The following MIPOL1 variants were observed in gnomAD, a reference collection of about 807,000 sequenced individuals.
The protein encoded by MIPOL1 is mirror-image polydactyly 1.
A neutral mutation model predicts 60.9 loss-of-function variants in MIPOL1; 57 were observed. The observed-to-expected ratio is 0.94, with a 90% CI of 0.76 to 1.17. The LOEUF is 1.17. Among genes scored for constraint, MIPOL1 ranks in the 50% most tolerant of loss-of-function variants. The pLI is 0.00. For missense variants in MIPOL1, 551 were observed against 511.6 expected, an observed-to-expected ratio of 1.08 and a Z score of -0.74; for synonymous variants, 179 against 168.8, an observed-to-expected ratio of 1.06 and a Z score of -0.47.
intron 9 of MIPOL1, among the ~76,000 whole-genome samples, chr14:37,331,238 T>C (rs1355638392): frequency 1.3e-5 from 2 of 152,166 alleles, no homozygotes; most frequent in African/African-American, 2.4e-5. Context: ...TGACTACTCT[T>C]GGAATCTTGT....
At chr14:37,226,937 T>C (rs1969847935) in intron 1 of MIPOL1, among the ~76,000 whole-genome samples, 1 of 152,212 alleles carries the variant, frequency 6.6e-6, no homozygotes, top group South Asian at 2.1e-4. Flanking sequence ...AAGAATTCAG[T>C]GTCCAGTTAA....
intron 11 of MIPOL1, among the ~76,000 whole-genome samples, chr14:37,449,238 T>C (rs1185303486): frequency 6.6e-6 from 1 of 152,090 alleles, no homozygotes; most frequent in Non-Finnish European, 1.5e-5. Flanking sequence ...GCAGTTGATA[T>C]TACCATTAAA....
chr14:37,513,929 T>G (rs1442766830), intron 12 of MIPOL1, among the ~76,000 whole-genome samples: 2 of 152,178 alleles, frequency 1.3e-5, no homozygotes, highest in Non-Finnish European at 2.9e-5. Context: ...CTGTTTCAGT[T>G]TAAATACAAG....
chr14:37,327,194 A>G (rs762739174), intron 9 of MIPOL1, among the ~76,000 whole-genome samples: 18 of 152,240 alleles, frequency 1.2e-4, no homozygotes, highest in Non-Finnish European at 1.8e-4. Context: ...TCTTGAGGTC[A>G]GTAAAACTAT....
rs552983738 is a variant in MIPOL1 at position 37,548,414 on chromosome 14, T to A, written c.*1443T>A. 1.3e-5 allele frequency: 2 copies of A among 152,150 alleles called. No homozygotes were observed. Among genetic ancestry groups the A allele is most frequent in the South Asian group, 2.1e-4 (1 of 4,824 alleles). The allele number at this position is 152,150 out of a possible 1,614,324, so 9.4% of individuals were successfully genotyped here. On this transcript the variant is annotated 3_prime_UTR_variant, in exon 13 of 13. Coordinates refer to ENST00000684589, the MANE Select transcript of MIPOL1 (RefSeq NM_001388067.1). ...TCTGTATCCATTAAAGTAACTTTTT[T>A]AACTATGAGAATTAGAAAATAAGGG...
At chr14:37,401,570 G>A (rs1267918285) in intron 10 of MIPOL1, 1 of 152,062 alleles carries the variant, frequency 6.6e-6, no homozygotes, top group East Asian at 1.9e-4. Flanking sequence ...ATAAATCTTA[G>A]AGGAAAAGAC....
chr14:37,364,134 G>A (rs1216128795), intron 9 of MIPOL1, among the ~76,000 whole-genome samples: 1 of 152,180 alleles, frequency 6.6e-6, no homozygotes. Context: ...ACCCACTGTG[G>A]GCTGCACCCA....
At chr14:37,507,123 G>A (rs1315904074) in intron 12 of MIPOL1, 1 of 152,120 alleles carries the variant, frequency 6.6e-6, no homozygotes, top group Non-Finnish European at 1.5e-5. Context: ...TGGAGAGGAT[G>A]TGGAGAAATA....
chr14:37,456,920 A>G (rs2094482563), intron 11 of MIPOL1, among the ~76,000 whole-genome samples: 1 of 152,154 alleles, frequency 6.6e-6, no homozygotes, highest in Non-Finnish European at 1.5e-5. Context: ...AATTGTTTTT[A>G]CAGTTGACTA....
intron 11 of MIPOL1, among the ~76,000 whole-genome samples, chr14:37,435,897 G>C (rs1243782226): frequency 2.6e-5 from 4 of 152,100 alleles, no homozygotes; most frequent in Admixed American, 1.3e-4. Context: ...ATGAAAAACT[G>C]ATCTATGTTT....
chr14:37,382,361 TAATA>T (rs1226528777), intron 10 of MIPOL1, among the ~76,000 whole-genome samples: 2 of 152,078 alleles, frequency 1.3e-5, no homozygotes, highest in African/African-American at 2.4e-5. Flanking sequence ...AATATATTTT[TAATA>T]AATAAACTTA....
chr14:37,240,653 A>G (rs752013125), intron 1 of MIPOL1: 2 of 152,136 alleles, frequency 1.3e-5, no homozygotes, highest in Non-Finnish European at 2.9e-5. Flanking sequence ...ACGTTTCAGG[A>G]TATTTTAGAA....
chr14:37,491,294 C>T (rs925284029), intron 11 of MIPOL1, among the ~76,000 whole-genome samples: 31 of 152,114 alleles, frequency 2.0e-4, no homozygotes, highest in African/African-American at 7.2e-4. Flanking sequence ...TTTGAGAGGC[C>T]GAGGTAAGTG....
chr14:37,502,346 G>A (rs2153614810), intron 12 of MIPOL1: 1 of 152,376 alleles, frequency 6.6e-6, no homozygotes, highest in East Asian at 1.9e-4. Context: ...CTCCCAGTAG[G>A]GGCCGACAGA....
chr14:37,263,426 G>C (rs1175786365), intron 3 of MIPOL1, among the ~76,000 whole-genome samples: 2 of 152,130 alleles, frequency 1.3e-5, no homozygotes, highest in South Asian at 2.1e-4. Flanking sequence ...GTAATACCTA[G>C]TAGTAATCCA....
chr14:37,217,737 C>T lies in MIPOL1; in HGVS notation c.-199+19633C>T, dbSNP rs1041214967. Among the ~76,000 whole-genome samples, 55 of 152,120 alleles carry T rather than the reference C, an allele frequency of 3.6e-4. 3 individuals carry two copies. Among genetic ancestry groups the T allele is most frequent in the Non-Finnish European group, 4.4e-5 (3 of 68,020 alleles). ...CAAAGCTGGATATAGAAGGAACATA[C>T]CTCAACATAATAAAAGCCAGATATG... On this transcript the variant is annotated intron_variant, in intron 1 of 12. Coordinates refer to ENST00000684589, the MANE Select transcript of MIPOL1 (RefSeq NM_001388067.1).
At chr14:37,369,430 A>G (rs1012035046) in intron 9 of MIPOL1, 87 bp from the exon 10 acceptor site, 3 of 867,256 alleles carry the variant, frequency 3.5e-6, no homozygotes, top group African/African-American at 3.4e-5. Context: ...TAGAGAATAC[A>G]ATGATATTAT....
In MIPOL1 at chr14:37,410,889, G is replaced by A. The variant is rs147891661; in HGVS notation, c.937-11966G>A. 8.7e-4 allele frequency among the ~76,000 whole-genome samples: 132 copies of A among 152,126 alleles called. 1 individual carries two copies. The East Asian group carries it at 0.022, about 26-fold the overall frequency. ...AATAAATGAATCAATTCAAAAGTTA[G>A]CATATTTTTTTATTTTAAAAATATA... On this transcript the variant is annotated intron_variant, in intron 10 of 12. Coordinates refer to ENST00000684589, the MANE Select transcript of MIPOL1 (RefSeq NM_001388067.1).
At chr14:37,198,739 T>C (rs1964744009) in intron 1 of MIPOL1, among the ~76,000 whole-genome samples, 1 of 152,160 alleles carries the variant, frequency 6.6e-6, no homozygotes, top group Non-Finnish European at 1.5e-5. Flanking sequence ...TTGGAAAAGC[T>C]CCTTTGAGCA....
Sources: allele counts gnomAD v4.1 joint callset (sites outside exome capture counted in the v4.1 genomes callset), GRCh38; gene constraint gnomAD v4.1.1; transcripts MANE v1.5; gene names NCBI Gene and HGNC (gene_info 2026-07-23, HGNC 2026-07-21).